Variants in CCNJ observed in about 807,000 individuals in gnomAD.
CCNJ encodes cyclin-J.
CCNJ carries 12 observed loss-of-function variants against 41.4 expected under a neutral mutation model. That is an observed-to-expected ratio of 0.29 (90% CI 0.19 to 0.47). The LOEUF is 0.47. CCNJ is among the 20% of genes least tolerant of loss of function. CCNJ has a pLI of 1.00. For synonymous variants in CCNJ, 161 were observed against 173.4 expected (o/e 0.93, Z 0.56); for missense variants, 340 against 464.6 (o/e 0.73, Z 2.47).
At chr10:96,050,963 G>T (rs924360029) in intron 3 of CCNJ, among the ~76,000 whole-genome samples, 2 of 152,294 alleles carry the variant, frequency 1.3e-5, no homozygotes, top group East Asian at 3.9e-4. Context: ...ATCCGGTAGT[G>T]TACAGGACAG....
In CCNJ at chr10:96,060,239, G is replaced by A. The variant is rs2080788074; in HGVS notation, c.*1998G>A. 1 of 152,626 alleles carries A rather than the reference G, an allele frequency of 6.6e-6. No homozygotes were observed. The highest frequency in any genetic ancestry group is 2.4e-5 in the African/African-American group (1 of 41,428). The allele number at this position is 152,626 out of a possible 1,614,324, so 9.5% of individuals were successfully genotyped here. A position where few individuals can be genotyped will look rare whatever the true frequency, so the allele number is the denominator to read the frequency against. On this transcript the variant is annotated 3_prime_UTR_variant, in exon 6 of 6. Transcript: ENST00000465148. Reference sequence around the variant, plus strand: ...TACCTCAATAATGCTATGAATGTAAGATATTGGGATAGAGATCCCAACTTG... The same window carrying A: ...TACCTCAATAATGCTATGAATGTAAAATATTGGGATAGAGATCCCAACTTG...
At position 96,060,291 on chromosome 10, in the gene CCNJ, T is replaced by C. The variant is rs2080789128; in HGVS notation, c.*2050T>C. 6.5e-6 allele frequency: 1 copy of C among 152,678 alleles called. No homozygotes were observed. Among genetic ancestry groups the C allele is most frequent in the Non-Finnish European group, 1.5e-5 (1 of 68,042 alleles). The allele number at this position is 152,678 out of a possible 1,614,324, so 9.5% of individuals were successfully genotyped here. A position where few individuals can be genotyped will look rare whatever the true frequency, so the allele number is the denominator to read the frequency against. On this transcript the variant is annotated 3_prime_UTR_variant, in exon 6 of 6. Coordinates refer to ENST00000465148, the MANE Select transcript of CCNJ (RefSeq NM_001134375.2). Reference sequence around the variant, plus strand: ...AACAACAGCCAGTGCCTGTGGTAACTTAATGTCTTGTCAAATACTTTTATT... The same window carrying C: ...AACAACAGCCAGTGCCTGTGGTAACCTAATGTCTTGTCAAATACTTTTATT...
chr10:96,048,323 G>A (rs1590995655), intron 2 of CCNJ, among the ~76,000 whole-genome samples: 1 of 152,144 alleles, frequency 6.6e-6, no homozygotes. Context: ...CTAGGTAAAA[G>A]GGTATTTCTG....
In CCNJ at chr10:96,059,601, A is replaced by T. The variant is rs1390610762; in HGVS notation, c.*1360A>T. On this transcript the variant is annotated 3_prime_UTR_variant, in exon 6 of 6. Coordinates refer to ENST00000465148, the MANE Select transcript of CCNJ (RefSeq NM_001134375.2). ...TGTGCTCCTTTCTGTGGGAGAAGAAAGATTTGGTGGAGGGAAGCTTTCTGG... is the reference window on the plus strand; with the variant it reads ...TGTGCTCCTTTCTGTGGGAGAAGAATGATTTGGTGGAGGGAAGCTTTCTGG... The T allele has an allele frequency of 6.6e-6, 1 of 152,474 alleles. No homozygotes were observed. Among genetic ancestry groups the T allele is most frequent in the Middle Eastern group, 3.2e-3 (1 of 316 alleles). The allele number at this position is 152,474 out of a possible 1,614,324, so 9.4% of individuals were successfully genotyped here. A position where few individuals can be genotyped will look rare whatever the true frequency, so the allele number is the denominator to read the frequency against.
rs777925956 is a variant in CCNJ, at chr10:96,058,046, C to T, written c.957C>T (p.His319=). The change falls in exon 6 of 6, where the codon CAC becomes CAT. Residue 319 remains histidine, a synonymous_variant. Coordinates refer to ENST00000465148, the MANE Select transcript of CCNJ (RefSeq NM_001134375.2). ...PSCQQIVSTT[H]TSSYTLQTCP... ...GTCAGCAGATTGTATCGACCACACA[C>T]ACCTCATCTTACACACTACAGACAT... 8 of 1,614,154 alleles carry T rather than the reference C, an allele frequency of 5.0e-6. No individual in the cohort carries two copies. Among genetic ancestry groups the T allele is most frequent in the Non-Finnish European group, 6.8e-6 (8 of 1,180,028 alleles).
rs2080791117 is a variant in CCNJ, at chr10:96,060,412, A to G, written c.*2171A>G. On this transcript the variant is annotated 3_prime_UTR_variant, in exon 6 of 6. Coordinates refer to ENST00000465148, the MANE Select transcript of CCNJ (RefSeq NM_001134375.2). ...CAATTTATATTTTAAAAAGCTAAAGAACACTGGATTAATAATCTTTTGGGA... is the reference window on the plus strand; with the variant it reads ...CAATTTATATTTTAAAAAGCTAAAGGACACTGGATTAATAATCTTTTGGGA... The G allele has an allele frequency of 2.0e-5, 3 of 152,636 alleles. No homozygotes were observed. In the South Asian group the frequency reaches 6.2e-4, roughly 32 times the overall value. The allele number at this position is 152,636 out of a possible 1,614,324, so 9.5% of individuals were successfully genotyped here. A position where few individuals can be genotyped will look rare whatever the true frequency, so the allele number is the denominator to read the frequency against.
Position 96,059,768 on chromosome 10 carries a change from G to T in CCNJ, c.*1527G>T, listed in dbSNP as rs905040949. On this transcript the variant is annotated 3_prime_UTR_variant, in exon 6 of 6. Coordinates refer to ENST00000465148, the MANE Select transcript of CCNJ (RefSeq NM_001134375.2). The stretch of plus-strand genomic sequence containing the variant: ...TAAAGATGTTGTGGGTATGCAGCAG[G>T]AGTCTCAGTAATCAAGCCAATGGCC... 1 of 152,620 alleles carries T rather than the reference G, an allele frequency of 6.6e-6. No homozygotes were observed. The allele number at this position is 152,620 out of a possible 1,614,324, so 9.5% of individuals were successfully genotyped here. A position where few individuals can be genotyped will look rare whatever the true frequency, so the allele number is the denominator to read the frequency against.
intron 2 of CCNJ, among the ~76,000 whole-genome samples, chr10:96,048,549 T>C (rs556250708): frequency 1.3e-5 from 2 of 152,294 alleles, no homozygotes; most frequent in South Asian, 4.1e-4. Flanking sequence ...TAGAACTTTT[T>C]CATCTTCCCA....
At chr10:96,052,718 T>TA (rs2142052078) in intron 3 of CCNJ, among the ~76,000 whole-genome samples, 1 of 152,320 alleles carries the variant, frequency 6.6e-6, no homozygotes, top group African/African-American at 2.4e-5. Context: ...AAATATGAAT[T>TA]ATCACCTATT....
chr10:96,052,690 C>T (rs2142052010), intron 3 of CCNJ, among the ~76,000 whole-genome samples: 1 of 152,292 alleles, frequency 6.6e-6, no homozygotes, highest in East Asian at 1.9e-4. Context: ...ACATTAGGAT[C>T]TGTATTTGCT....
rs1564703565 is a variant in CCNJ, at chr10:96,050,464, CAAGT to C, written c.280+4_280+7del. Reference sequence around the variant, plus strand: ...GTTGCGCTTTCCTGCCTGCTTCTAGCAAGTAAGTATGAATCTGATTTACATGACT... The same window carrying C: ...GTTGCGCTTTCCTGCCTGCTTCTAGCAAGTATGAATCTGATTTACATGACT... On this transcript the variant is annotated splice_donor_variant and coding_sequence_variant, in exon 3 of 6. Coordinates refer to ENST00000465148, the MANE Select transcript of CCNJ (RefSeq NM_001134375.2). LOFTEE classifies it high-confidence loss of function. 1 of 1,609,586 alleles carries C rather than the reference CAAGT, an allele frequency of 6.2e-7. No individual in the cohort carries two copies. The highest frequency in any genetic ancestry group is 8.5e-7 in the Non-Finnish European group (1 of 1,175,946).
At chr10:96,047,769 TA>T (rs2080405036) in intron 2 of CCNJ, among the ~76,000 whole-genome samples, 1 of 152,228 alleles carries the variant, frequency 6.6e-6, no homozygotes, top group Admixed American at 6.5e-5. Context: ...TGTATCAACA[TA>T]AAACTTTTTT....
At position 96,058,250 on chromosome 10, in the gene CCNJ, GA is replaced by G. The variant is rs1433166315; in HGVS notation, c.*11del. The G allele has an allele frequency of 6.2e-7, 1 of 1,605,358 alleles. No individual in the cohort carries two copies. Among genetic ancestry groups the G allele is most frequent in the Non-Finnish European group, 8.5e-7 (1 of 1,174,358 alleles). ...CATGTTTTGAAAGGTGATTATTTGT[GA>G]AGCTGATAACCGACCCAGACTGCTT... On this transcript the variant is annotated 3_prime_UTR_variant, in exon 6 of 6. Transcript: ENST00000465148.
rs1406676812 is a variant in CCNJ at position 96,058,535 on chromosome 10, A to G, written c.*294A>G. 1.1e-5 allele frequency: 5 copies of G among 464,692 alleles called. No homozygotes were observed. The highest frequency in any genetic ancestry group is 1.9e-5 in the Non-Finnish European group (5 of 263,962). 28.8% of individuals were successfully genotyped at this position (464,692 alleles called of 1,614,324 possible). On this transcript the variant is annotated 3_prime_UTR_variant, in exon 6 of 6. Coordinates refer to ENST00000465148, the MANE Select transcript of CCNJ (RefSeq NM_001134375.2). ...ATTCAGTACAACAGAAAATTTGGAC[A>G]GACTTCAATTTGCCATTTTGAGATT...
At position 96,059,166 on chromosome 10, in the gene CCNJ, T is replaced by C. The variant is rs1248282429; in HGVS notation, c.*925T>C. On this transcript the variant is annotated 3_prime_UTR_variant, in exon 6 of 6. Coordinates refer to ENST00000465148, the MANE Select transcript of CCNJ (RefSeq NM_001134375.2). ...TGCATATCTCAGTGCAATCCATGAT[T>C]TATACTCAGAATCGACATTCTTAAA... The C allele has an allele frequency of 6.6e-6, 1 of 152,630 alleles. No individual in the cohort carries two copies. The highest frequency in any genetic ancestry group is 1.5e-5 in the Non-Finnish European group (1 of 68,046). 9.5% of individuals were successfully genotyped at this position (152,630 alleles called of 1,614,324 possible). A position where few individuals can be genotyped will look rare whatever the true frequency, so the allele number is the denominator to read the frequency against.
intron 3 of CCNJ, among the ~76,000 whole-genome samples, chr10:96,052,160 ATT>A (rs2080545486): frequency 6.6e-6 from 1 of 152,194 alleles, no homozygotes; most frequent in African/African-American, 2.4e-5. Context: ...TTAGCCTCTA[ATT>A]AAAGTTTCAT....
intron 3 of CCNJ, among the ~76,000 whole-genome samples, chr10:96,053,667 G>A (rs1020828217): frequency 6.6e-6 from 1 of 152,100 alleles, no homozygotes; most frequent in African/African-American, 2.4e-5. Context: ...AAATGATCTT[G>A]GAGTCAAGAC....
At chr10:96,048,411 AG>A (rs1564702166) in intron 2 of CCNJ, among the ~76,000 whole-genome samples, 1 of 152,206 alleles carries the variant, frequency 6.6e-6, no homozygotes, top group Admixed American at 6.5e-5. Context: ...ACAGTGTAAA[AG>A]CGTTCCTTTT....
At chr10:96,052,584 TGTTA>T (rs1482655828) in intron 3 of CCNJ, among the ~76,000 whole-genome samples, 1 of 152,238 alleles carries the variant, frequency 6.6e-6, no homozygotes, top group Non-Finnish European at 1.5e-5. Context: ...TGTGTATTTC[TGTTA>T]GTTTAAGGTC....
Sources: gnomAD v4.1 joint callset for allele counts (sites outside exome capture counted in the v4.1 genomes callset) on GRCh38, gnomAD v4.1.1 for gene constraint, MANE v1.5 for transcripts, NCBI Gene and HGNC (gene_info 2026-07-23, HGNC 2026-07-21) for gene names.